The following FGF14 variants were observed in gnomAD, a reference collection of about 807,000 sequenced individuals.
FGF14 encodes fibroblast growth factor 14, also known as fibroblast growth factor homologous factor 4.
In FGF14, 5 loss-of-function variants were observed where a neutral mutation model predicts 25.5. The observed-to-expected ratio is 0.20, with a 90% CI of 0.10 to 0.41. FGF14 has a LOEUF of 0.41. FGF14 is among the 10% of genes least tolerant of loss of function. The pLI, the probability that FGF14 is intolerant of heterozygous loss-of-function variation, is 1.00. For missense variants in FGF14, 222 were observed against 320.1 expected, an observed-to-expected ratio of 0.69 and a Z score of 2.34; for synonymous variants, 138 against 118.3, an observed-to-expected ratio of 1.17 and a Z score of -1.08.
intron 1 of FGF14, among the ~76,000 whole-genome samples, chr13:102,134,020 CTTTA>C (rs1296284598): frequency 6.6e-6 from 1 of 152,134 alleles, no homozygotes; most frequent in Non-Finnish European, 1.5e-5. Context: ...ATTTTGTCAT[CTTTA>C]TTTTTATGTA....
chr13:101,891,386 T>C (rs2046259503), intron 1 of FGF14, among the ~76,000 whole-genome samples: 1 of 152,180 alleles, frequency 6.6e-6, no homozygotes, highest in Non-Finnish European at 1.5e-5. Flanking sequence ...GAATACTTTA[T>C]AGCCACCACC....
At chr13:102,228,689 AAAG>A (rs1300027328) in intron 1 of FGF14, among the ~76,000 whole-genome samples, 2 of 152,196 alleles carry the variant, frequency 1.3e-5, no homozygotes, top group East Asian at 3.9e-4. Flanking sequence ...TACAGATAAG[AAAG>A]CAGAGGCTTA....
chr13:102,049,502 A>G (rs2140044987), intron 1 of FGF14, among the ~76,000 whole-genome samples: 1 of 152,298 alleles, frequency 6.6e-6, no homozygotes, highest in South Asian at 2.1e-4. Flanking sequence ...TTGGATTTCC[A>G]AAAGTCCAAA....
At chr13:102,000,936 G>T (rs1211001626) in intron 1 of FGF14, among the ~76,000 whole-genome samples, 1 of 152,184 alleles carries the variant, frequency 6.6e-6, no homozygotes, top group Non-Finnish European at 1.5e-5. Context: ...GACAGCAAAA[G>T]CCTGGGGAAC....
chr13:101,906,217 A>T (rs2032224662), intron 1 of FGF14, among the ~76,000 whole-genome samples: 1 of 152,172 alleles, frequency 6.6e-6, no homozygotes, highest in African/African-American at 2.4e-5. Flanking sequence ...AATTCTCTTC[A>T]TGAAAACAGC....
chr13:101,875,055 A>G (rs1207379138), intron 2 of FGF14, 131 bp downstream of exon 2: 2 of 718,592 alleles, frequency 2.8e-6, no homozygotes, highest in East Asian at 5.4e-5. Flanking sequence ...TGTAAATGGC[A>G]TCCTAGTGTG....
At chr13:102,266,496 GAGAGAA>G (rs1438021767) in intron 1 of FGF14, among the ~76,000 whole-genome samples, 2 of 152,110 alleles carry the variant, frequency 1.3e-5, no homozygotes, top group Non-Finnish European at 2.9e-5. Flanking sequence ...ATACAGGAGG[GAGAGAA>G]AGAGAAAGAG....
intron 1 of FGF14, among the ~76,000 whole-genome samples, chr13:102,336,103 T>C (rs1259603959): frequency 1.3e-5 from 2 of 152,158 alleles, no homozygotes; most frequent in African/African-American, 4.8e-5. Flanking sequence ...AAGAGCTGCA[T>C]GTCTCTCGCT....
chr13:101,874,345 A>AT (rs1015509843), intron 2 of FGF14, among the ~76,000 whole-genome samples: 1 of 152,136 alleles, frequency 6.6e-6, no homozygotes, highest in Non-Finnish European at 1.5e-5. Flanking sequence ...ATTCATATCT[A>AT]TTTTTGATCC....
intron 1 of FGF14, among the ~76,000 whole-genome samples, chr13:102,041,241 T>C (rs1293910775): frequency 1.3e-5 from 2 of 152,102 alleles, no homozygotes; most frequent in Non-Finnish European, 2.9e-5. Flanking sequence ...AGAATGTGCA[T>C]CTCAATATAT....
chr13:101,998,233 C>G (rs1344691106), intron 1 of FGF14, among the ~76,000 whole-genome samples: 2 of 152,074 alleles, frequency 1.3e-5, no homozygotes, highest in Non-Finnish European at 2.9e-5. Flanking sequence ...AGGACTTCTG[C>G]TTACTCTCAA....
At chr13:102,030,707 C>A (rs1424543026) in intron 1 of FGF14, among the ~76,000 whole-genome samples, 1 of 151,980 alleles carries the variant, frequency 6.6e-6, no homozygotes, top group Non-Finnish European at 1.5e-5. Flanking sequence ...CAGCCTGAGT[C>A]CCGCACAGGG....
At chr13:101,898,693 T>C (rs2031091894) in intron 1 of FGF14, among the ~76,000 whole-genome samples, 1 of 152,144 alleles carries the variant, frequency 6.6e-6, no homozygotes, top group African/African-American at 2.4e-5. Context: ...CTAAGAATTA[T>C]GACTTAAAAT....
At chr13:101,778,160 G>T (rs1173840853) in intron 3 of FGF14, among the ~76,000 whole-genome samples, 5 of 152,154 alleles carry the variant, frequency 3.3e-5, no homozygotes, top group Non-Finnish European at 7.3e-5. Context: ...TTAAGAAGTG[G>T]TTATAATGTT....
At chr13:102,174,106 G>A (rs1301350561) in intron 1 of FGF14, among the ~76,000 whole-genome samples, 2 of 149,624 alleles carry the variant, frequency 1.3e-5, no homozygotes, top group South Asian at 2.1e-4. Flanking sequence ...TTCAGGATAC[G>A]AAACAAAACA....
intron 1 of FGF14, among the ~76,000 whole-genome samples, chr13:102,143,280 G>A (rs1004982983): frequency 2.0e-5 from 3 of 152,046 alleles, no homozygotes; most frequent in Admixed American, 6.6e-5. Flanking sequence ...AGTATGGGGG[G>A]TTAGGTGGGC....
At chr13:102,276,887 T>G (rs2053577878) in intron 1 of FGF14, among the ~76,000 whole-genome samples, 1 of 152,190 alleles carries the variant, frequency 6.6e-6, no homozygotes, top group East Asian at 1.9e-4. Context: ...TTGACTAACT[T>G]GGTAGTATGT....
intron 3 of FGF14, among the ~76,000 whole-genome samples, chr13:101,822,612 T>C (rs1283340178): frequency 2.6e-5 from 4 of 152,162 alleles, no homozygotes; most frequent in Non-Finnish European, 5.9e-5. Flanking sequence ...TATGGCATGT[T>C]TGTACATATT....
intron 1 of FGF14, among the ~76,000 whole-genome samples, chr13:102,029,757 C>A (rs1022003645): frequency 6.6e-6 from 1 of 152,152 alleles, no homozygotes; most frequent in South Asian, 2.1e-4. Context: ...AGAATGCAGT[C>A]CAAAATGGAA....
Sources: allele counts gnomAD v4.1 joint callset (sites outside exome capture counted in the v4.1 genomes callset), GRCh38; gene constraint gnomAD v4.1.1; transcripts MANE v1.5; gene names NCBI Gene and HGNC (gene_info 2026-07-23, HGNC 2026-07-21).